Variants in ADAMTSL1 observed in about 807,000 individuals in gnomAD.
ADAMTSL1 encodes the protein ADAMTS-like protein 1.
ADAMTSL1 carries 126 observed loss-of-function variants against 201.8 expected under a neutral mutation model. That is an observed-to-expected ratio of 0.62 (90% confidence interval 0.54 to 0.72). The LOEUF (loss-of-function observed/expected upper bound fraction) is 0.72. Among genes scored for constraint, ADAMTSL1 ranks in the 30% least tolerant of loss-of-function variants. The pLI is 0.00. For synonymous variants in ADAMTSL1, 1,121 were observed against 903.4 expected (o/e 1.24, Z -4.32); for missense variants, 2,679 against 2,277.8 (o/e 1.18, Z -3.59).
chr9:18,343,030 T>C (rs1232554382), intron 2 of ADAMTSL1, among the ~76,000 whole-genome samples: 1 of 151,616 alleles, frequency 6.6e-6, no homozygotes, highest in African/African-American at 2.4e-5. Flanking sequence ...GGTTTTTTTG[T>C]TTTGTTTTTT....
intron 1 of ADAMTSL1, among the ~76,000 whole-genome samples, chr9:18,496,719 AATT>A (rs1439006850): frequency 6.6e-6 from 1 of 152,212 alleles, no homozygotes; most frequent in Non-Finnish European, 1.5e-5. Context: ...CTCCAACAGG[AATT>A]CTTCCTCTAT....
chr9:18,484,702 G>C (rs1176259636), intron 1 of ADAMTSL1, among the ~76,000 whole-genome samples: 1 of 152,166 alleles, frequency 6.6e-6, no homozygotes, highest in Non-Finnish European at 1.5e-5. Context: ...CAGTTTGCTG[G>C]TGCTGGGACT....
intron 2 of ADAMTSL1, among the ~76,000 whole-genome samples, chr9:18,267,503 C>A (rs1832164515): frequency 6.6e-6 from 1 of 152,048 alleles, no homozygotes; most frequent in African/African-American, 2.4e-5. Flanking sequence ...AAAATTTGTG[C>A]ATTACCATGC....
chr9:18,014,996 G>T lies in ADAMTSL1; in HGVS notation c.87+108074G>T, dbSNP rs183726605. On this transcript the variant is annotated intron_variant, in intron 1 of 29. Coordinates refer to the ADAMTSL1 transcript ENST00000680146. ...AGACATCAGGAATAGCCTGTAGGTG[G>T]TAATATAAATAATAGCAATCATAGC... Among the ~76,000 whole-genome samples the T allele has an allele frequency of 4.0e-3, 604 of 152,190 alleles. 4 individuals carry two copies. Among genetic ancestry groups the T allele is most frequent in the African/African-American group, 0.014 (570 of 41,568 alleles).
At chr9:18,183,381 T>C (rs1434767765) in intron 2 of ADAMTSL1, among the ~76,000 whole-genome samples, 1 of 152,146 alleles carries the variant, frequency 6.6e-6, no homozygotes, top group African/African-American at 2.4e-5. Flanking sequence ...TAATCAAGAC[T>C]TCACTATAAC....
chr9:18,671,838 C>T (rs34706021), intron 9 of ADAMTSL1, among the ~76,000 whole-genome samples: 10,936 of 152,084 alleles, frequency 0.072, 468 homozygotes, highest in East Asian at 0.21. Flanking sequence ...GAGATCGAGA[C>T]CATCCTGGCT....
chr9:18,854,395 C>T (rs961999866), intron 23 of ADAMTSL1, among the ~76,000 whole-genome samples: 3 of 152,026 alleles, frequency 2.0e-5, no homozygotes, highest in African/African-American at 7.2e-5. Context: ...TTTGGGGCAC[C>T]AGTTTGTACA....
intron 2 of ADAMTSL1, among the ~76,000 whole-genome samples, chr9:18,230,568 A>G (rs1264244521): frequency 6.6e-6 from 1 of 152,126 alleles, no homozygotes; most frequent in Non-Finnish European, 1.5e-5. Context: ...AATTATATCA[A>G]TGAGACTGGA....
At chr9:18,747,383 G>A (rs575169583) in intron 15 of ADAMTSL1, among the ~76,000 whole-genome samples, 4 of 151,820 alleles carry the variant, frequency 2.6e-5, no homozygotes, top group Admixed American at 6.6e-5. Context: ...AATGAGGCTC[G>A]GATCATGCAG....
chr9:18,774,107 C>T (rs1820845022), intron 17 of ADAMTSL1, among the ~76,000 whole-genome samples: 1 of 152,122 alleles, frequency 6.6e-6, no homozygotes, highest in Admixed American at 6.5e-5. Flanking sequence ...GTTAACGTGG[C>T]ACACTCCCAC....
chr9:18,900,777 G>T (rs2131602091), intron 26 of ADAMTSL1, among the ~76,000 whole-genome samples: 2 of 150,694 alleles, frequency 1.3e-5, no homozygotes, highest in Middle Eastern at 3.4e-3. Context: ...CCTATTGGCG[G>T]TGGGGGTGGG....
intron 2 of ADAMTSL1, among the ~76,000 whole-genome samples, chr9:18,430,616 G>A (rs555916248): frequency 5.9e-5 from 9 of 152,260 alleles, no homozygotes; most frequent in African/African-American, 1.9e-4. Context: ...TGCCTATACT[G>A]TTTCCCTAAT....
At chr9:18,564,638 G>A (rs1198523139) in intron 3 of ADAMTSL1, among the ~76,000 whole-genome samples, 4 of 152,310 alleles carry the variant, frequency 2.6e-5, no homozygotes, top group Admixed American at 2.0e-4. Context: ...ACAAAGCACT[G>A]TATAATTGTG....
At chr9:18,365,535 A>G (rs530505119) in intron 2 of ADAMTSL1, among the ~76,000 whole-genome samples, 4 of 152,174 alleles carry the variant, frequency 2.6e-5, no homozygotes, top group Non-Finnish European at 4.4e-5. Context: ...TGCACATCAT[A>G]TATATTCTTT....
chr9:18,383,880 A>T (rs2226018), intron 2 of ADAMTSL1, among the ~76,000 whole-genome samples: 12,828 of 152,210 alleles, frequency 0.084, 734 homozygotes, highest in Middle Eastern at 0.15. Flanking sequence ...TTTACTGTAC[A>T]TATGAATCAC....
chr9:18,898,645 G>T (rs940162603), intron 26 of ADAMTSL1, among the ~76,000 whole-genome samples: 1 of 152,164 alleles, frequency 6.6e-6, no homozygotes, highest in Non-Finnish European at 1.5e-5. Flanking sequence ...TCATCCCTGG[G>T]ATATAAGGTT....
chr9:18,526,659 G>A (rs1016813802), intron 2 of ADAMTSL1, among the ~76,000 whole-genome samples: 2 of 152,132 alleles, frequency 1.3e-5, no homozygotes, highest in African/African-American at 2.4e-5. Flanking sequence ...CTCAGCATTT[G>A]CTTGTCTGTA....
At chr9:17,982,862 G>A (rs949897212) in intron 1 of ADAMTSL1, among the ~76,000 whole-genome samples, 2 of 151,606 alleles carry the variant, frequency 1.3e-5, no homozygotes, top group African/African-American at 4.8e-5. Flanking sequence ...CAAGATAATG[G>A]CAGTTCTCAC....
intron 2 of ADAMTSL1, among the ~76,000 whole-genome samples, chr9:18,211,377 T>C (rs13294655): frequency 0.34 from 51,670 of 152,048 alleles, 8,934 homozygotes; most frequent in Admixed American, 0.42. Flanking sequence ...AAGACCCATT[T>C]AATTTCATAA....
Sources: allele counts gnomAD v4.1 joint callset (sites outside exome capture counted in the v4.1 genomes callset), GRCh38; gene constraint gnomAD v4.1.1; transcripts MANE v1.5; gene names NCBI Gene and HGNC (gene_info 2026-07-23, HGNC 2026-07-21).